CCDC171: variants seen among roughly 807,000 people sequenced by gnomAD.
The protein encoded by CCDC171 is coiled-coil domain-containing protein 171.
CCDC171 carries 177 observed loss-of-function variants against 168.2 expected under a neutral mutation model. The observed-to-expected ratio is 1.05, with a 90% CI of 0.93 to 1.19. The LOEUF (loss-of-function observed/expected upper bound fraction) is 1.19, where lower values mean the gene tolerates loss of function less well. Among genes scored for constraint, CCDC171 ranks in the 50% most tolerant of loss-of-function variants. CCDC171 has a pLI of 0.00. For synonymous variants in CCDC171, 687 were observed against 540.8 expected, an observed-to-expected ratio of 1.27 and a Z score of -3.75; for missense variants, 1,991 against 1,539.0, an observed-to-expected ratio of 1.29 and a Z score of -4.91.
chr9:16,050,366 A>G (rs1214151859), intron 1 of CCDC171, among the ~76,000 whole-genome samples: 2 of 152,246 alleles, frequency 1.3e-5, no homozygotes, highest in African/African-American at 4.8e-5. Context: ...AATGGACAGC[A>G]TATACTTTCA....
chr9:15,981,888 G>C (rs1831807862), intron 3 of CCDC171, among the ~76,000 whole-genome samples: 1 of 152,152 alleles, frequency 6.6e-6, no homozygotes, highest in Non-Finnish European at 1.5e-5. Flanking sequence ...AGAAGGAATT[G>C]TACTATAAAG....
intron 24 of CCDC171, among the ~76,000 whole-genome samples, chr9:15,915,704 A>G (rs1238033771): frequency 6.6e-6 from 1 of 152,140 alleles, no homozygotes; most frequent in Non-Finnish European, 1.5e-5. Context: ...AGTTCTTAGA[A>G]TGCTTTCAAC....
upstream of CCDC171, among the ~76,000 whole-genome samples, chr9:16,038,319 G>A (rs932598608): frequency 3.3e-5 from 5 of 152,062 alleles, no homozygotes; most frequent in Non-Finnish European, 5.9e-5. Context: ...AGCTCTAAGA[G>A]GGGAAGTTAA....
chr9:15,723,288 A>C (rs2053603996), intron 12 of CCDC171, among the ~76,000 whole-genome samples: 2 of 152,206 alleles, frequency 1.3e-5, no homozygotes, highest in African/African-American at 4.8e-5. Context: ...TAGAAAGAAC[A>C]GTCTTCTGCT....
intron 25 of CCDC171, among the ~76,000 whole-genome samples, chr9:15,940,479 T>G (rs532286102): frequency 6.6e-6 from 1 of 152,064 alleles, no homozygotes; most frequent in East Asian, 1.9e-4. Context: ...AAATAAGGGT[T>G]CGGTCCCTTT....
chr9:15,811,769 C>T (rs904998148), intron 21 of CCDC171, among the ~76,000 whole-genome samples: 4 of 152,092 alleles, frequency 2.6e-5, no homozygotes, highest in African/African-American at 7.2e-5. Flanking sequence ...ATAGTTACTT[C>T]GATGATGGAG....
intron 3 of CCDC171, among the ~76,000 whole-genome samples, chr9:15,984,525 A>T (rs1831921683): frequency 6.6e-6 from 1 of 152,076 alleles, no homozygotes; most frequent in Non-Finnish European, 1.5e-5. Flanking sequence ...TCCTACTTCT[A>T]GAAATCTTTC....
chr9:15,639,746 A>G (rs1214470462), intron 7 of CCDC171, among the ~76,000 whole-genome samples: 2 of 152,170 alleles, frequency 1.3e-5, no homozygotes, highest in African/African-American at 2.4e-5. Flanking sequence ...TGACTGGCAC[A>G]GAGAACTCTG....
chr9:15,613,782 CA>C (rs1321336022), intron 6 of CCDC171, among the ~76,000 whole-genome samples: 1 of 152,124 alleles, frequency 6.6e-6, no homozygotes, highest in East Asian at 1.9e-4. Flanking sequence ...CTCGGCCTCC[CA>C]AAGTGCGGGG....
At chr9:15,884,257 T>C (rs977628032) in intron 24 of CCDC171, among the ~76,000 whole-genome samples, 2 of 126,834 alleles carry the variant, frequency 1.6e-5, no homozygotes, top group African/African-American at 5.3e-5. Context: ...TGGTGCATCT[T>C]TGGGTGATTA....
chr9:15,831,639 A>C (rs1172280991), intron 21 of CCDC171, among the ~76,000 whole-genome samples: 3 of 152,172 alleles, frequency 2.0e-5, no homozygotes, highest in Non-Finnish European at 4.4e-5. Context: ...ATGTACCCGC[A>C]TACCATTTGT....
chr9:15,740,275 A>G (rs777548174), intron 16 of CCDC171, among the ~76,000 whole-genome samples: 2 of 151,310 alleles, frequency 1.3e-5, no homozygotes, highest in Non-Finnish European at 2.9e-5. Flanking sequence ...CCATCCAGTT[A>G]TTTCACCACC....
rs185940914 is a variant in CCDC171, at chr9:15,578,281, A to G, written c.178-568A>G. Among the ~76,000 whole-genome samples the G allele has an allele frequency of 2.4e-3, 356 of 148,382 alleles. 2 individuals carry two copies. The highest frequency in any genetic ancestry group is 8.5e-3 in the African/African-American group (343 of 40,380). On this transcript the variant is annotated intron_variant, in intron 3 of 25. Transcript: ENST00000380701. ...AGACGGTCTTGCTCTGTCCTTCAGG[A>G]TGGAGTGCAGTGGCATGGTCTCTGC...
At chr9:16,088,659 G>A in the CCDC171 span, among the ~76,000 whole-genome samples, 3 of 152,266 alleles carry the variant, frequency 2.0e-5, no homozygotes, top group African/African-American at 7.2e-5. Context: ...GACAAGGGAC[G>A]TGAAGGACTT....
At chr9:15,825,831 G>C (rs556540062) in intron 21 of CCDC171, among the ~76,000 whole-genome samples, 1 of 152,168 alleles carries the variant, frequency 6.6e-6, no homozygotes, top group Non-Finnish European at 1.5e-5. Context: ...ACTAGTTGAA[G>C]TTCAGTTCAG....
intron 7 of CCDC171, among the ~76,000 whole-genome samples, chr9:15,652,241 A>G (rs1256995340): frequency 6.6e-6 from 1 of 152,144 alleles, no homozygotes; most frequent in East Asian, 1.9e-4. Context: ...ATCCAAATTT[A>G]TTCTTTTGCC....
intron 23 of CCDC171, among the ~76,000 whole-genome samples, chr9:15,855,341 C>A (rs1252949982): frequency 6.6e-6 from 1 of 151,672 alleles, no homozygotes; most frequent in African/African-American, 2.4e-5. Flanking sequence ...TAAAGTCTTT[C>A]GTCTGATATT....
Position 15,629,505 on chromosome 9 carries a change from C to G in CCDC171, c.822+6092C>G, listed in dbSNP as rs1204651611. On this transcript the variant is annotated intron_variant, in intron 7 of 25. Transcript: ENST00000380701. ...AAGAATAAAAAGAAACGAACAAAGC[C>G]TCCAGGAAATATGGGACTATGTGAA... 5.9e-5 allele frequency among the ~76,000 whole-genome samples: 9 copies of G among 152,270 alleles called. No individual in the cohort carries two copies. The East Asian group carries it at 1.7e-3, about 29-fold the overall frequency.
At chr9:15,686,753 A>G (rs1267706356) in intron 10 of CCDC171, among the ~76,000 whole-genome samples, 2 of 152,314 alleles carry the variant, frequency 1.3e-5, no homozygotes, top group African/African-American at 2.4e-5. Flanking sequence ...CAGACCTCCA[A>G]ACTATTTGAA....
Sources: gnomAD v4.1 joint callset for allele counts (sites outside exome capture counted in the v4.1 genomes callset) on GRCh38, gnomAD v4.1.1 for gene constraint, MANE v1.5 for transcripts, NCBI Gene and HGNC (gene_info 2026-07-23, HGNC 2026-07-21) for gene names.